HYDIN: variants seen among roughly 807,000 people sequenced by gnomAD.
HYDIN encodes HYDIN axonemal central pair apparatus protein, also known as axonemal central pair apparatus protein HYDIN.
A neutral mutation model predicts 403.9 loss-of-function variants in HYDIN; 132 were observed. That is an observed-to-expected ratio of 0.33 (90% CI 0.28 to 0.38). The LOEUF (loss-of-function observed/expected upper bound fraction) is 0.38. Among genes scored for constraint, HYDIN ranks in the 10% least tolerant of loss-of-function variants. The pLI is 1.00. For synonymous variants in HYDIN, 1,202 were observed against 1,891.7 expected (o/e 0.64, Z 9.46); for missense variants, 2,827 against 5,009.5 (o/e 0.56, Z 13.15).
At chr16:70,941,019 T>C (rs2143878965) in intron 43 of HYDIN, among the ~76,000 whole-genome samples, 1 of 151,442 alleles carries the variant, frequency 6.6e-6, no homozygotes, top group East Asian at 1.9e-4. Context: ...TGTGTGTGTG[T>C]ACCTATCTTT....
chr16:70,976,778 C>T (rs967798497), intron 30 of HYDIN, among the ~76,000 whole-genome samples: 1 of 152,090 alleles, frequency 6.6e-6, no homozygotes, highest in Admixed American at 6.5e-5. Context: ...GAAAAAAGGT[C>T]TAAAATGGAT....
In HYDIN at chr16:71,101,935, T is replaced by C. The variant is rs191573882; in HGVS notation, c.1328-8000A>G. Among the ~76,000 whole-genome samples, 56 of 152,184 alleles carry C rather than the reference T, an allele frequency of 3.7e-4. 1 individual carries two copies. Among genetic ancestry groups the C allele is most frequent in the African/African-American group, 1.3e-3 (53 of 41,522 alleles). On this transcript the variant is annotated intron_variant, in intron 10 of 85. Coordinates refer to ENST00000393567, the MANE Select transcript of HYDIN (RefSeq NM_001270974.2). The stretch of plus-strand genomic sequence containing the variant: ...TCTCAATAGCATAACAGCATTAAGT[T>C]AGAAACAACACAAATGTCCAACTGG...
At chr16:71,185,961 T>A (rs2087127568) in intron 2 of HYDIN, among the ~76,000 whole-genome samples, 1 of 152,194 alleles carries the variant, frequency 6.6e-6, no homozygotes, top group South Asian at 2.1e-4. Context: ...CTAATACAGC[T>A]TTCAACTTGG....
At chr16:71,056,422 A>G (rs2081896194) in intron 18 of HYDIN, among the ~76,000 whole-genome samples, 1 of 151,856 alleles carries the variant, frequency 6.6e-6, no homozygotes, top group African/African-American at 2.4e-5. Context: ...ATTTTTTTGT[A>G]TAGTATTTGT....
intron 3 of HYDIN, among the ~76,000 whole-genome samples, chr16:71,181,399 CA>C (rs1250411569): frequency 6.6e-6 from 1 of 151,956 alleles, no homozygotes; most frequent in Non-Finnish European, 1.5e-5. Context: ...GAGATATTAG[CA>C]CAAGATTTAT....
At chr16:71,081,245 C>G in intron 12 of HYDIN, among the ~76,000 whole-genome samples, 1 of 152,100 alleles carries the variant, frequency 6.6e-6, no homozygotes, top group Non-Finnish European at 1.5e-5. Context: ...CTTCCGGTTG[C>G]TTCAGCTCTG....
chr16:71,021,618 T>C (rs1302962859), intron 21 of HYDIN, among the ~76,000 whole-genome samples: 1 of 152,092 alleles, frequency 6.6e-6, no homozygotes, highest in Non-Finnish European at 1.5e-5. Context: ...GCCCACATTA[T>C]TTCTTGTATT....
At chr16:70,813,667 T>C (rs2035650191) in intron 84 of HYDIN, among the ~76,000 whole-genome samples, 1 of 152,212 alleles carries the variant, frequency 6.6e-6, no homozygotes, top group Non-Finnish European at 1.5e-5. Flanking sequence ...ATAGATTCAA[T>C]GTAATCCAAA....
At chr16:70,957,571 C>T (rs1001098748) in intron 39 of HYDIN, among the ~76,000 whole-genome samples, 7 of 151,920 alleles carry the variant, frequency 4.6e-5, no homozygotes, top group Admixed American at 2.0e-4. Context: ...ATGATCTACC[C>T]ACCTCAGCCT....
At chr16:70,954,713 G>A (rs1400131416) in intron 40 of HYDIN, among the ~76,000 whole-genome samples, 3 of 152,064 alleles carry the variant, frequency 2.0e-5, no homozygotes, top group Non-Finnish European at 1.5e-5. Context: ...CTTCACTATC[G>A]CTTCCTTTAC....
intron 73 of HYDIN, among the ~76,000 whole-genome samples, chr16:70,853,853 G>A (rs1358496950): frequency 6.8e-6 from 1 of 147,782 alleles, no homozygotes; most frequent in Non-Finnish European, 1.5e-5. Flanking sequence ...TTGGTAAACA[G>A]TACAGAGTTA....
intron 28 of HYDIN, among the ~76,000 whole-genome samples, chr16:70,982,237 T>C (rs991131594): frequency 4.6e-5 from 7 of 151,608 alleles, no homozygotes; most frequent in African/African-American, 1.5e-4. Flanking sequence ...TATTAAAACA[T>C]TTTTGTGAAA....
chr16:70,924,752 G>A (rs1284932138), intron 45 of HYDIN, among the ~76,000 whole-genome samples: 1 of 67,098 alleles, frequency 1.5e-5, no homozygotes, highest in South Asian at 6.3e-4. Flanking sequence ...TGAATGATGA[G>A]GACACATGGA....
intron 57 of HYDIN, among the ~76,000 whole-genome samples, chr16:70,890,348 G>C (rs1270876439): frequency 6.6e-6 from 1 of 152,124 alleles, no homozygotes; most frequent in African/African-American, 2.4e-5. Flanking sequence ...GTATGAACTT[G>C]TGCATGCTAA....
chr16:71,174,396 A>G (rs2086583672), intron 5 of HYDIN, among the ~76,000 whole-genome samples: 1 of 152,178 alleles, frequency 6.6e-6, no homozygotes, highest in Non-Finnish European at 1.5e-5. Flanking sequence ...ACTCCAAGCT[A>G]GTTCTGTCTG....
At chr16:70,844,838 C>G (rs1328729180) in intron 75 of HYDIN, among the ~76,000 whole-genome samples, 3 of 151,382 alleles carry the variant, frequency 2.0e-5, no homozygotes, top group Admixed American at 6.6e-5. Context: ...TGATTTGGCT[C>G]TCTGTCTGTT....
At chr16:70,857,014 T>G (rs1465138801) in intron 72 of HYDIN, among the ~76,000 whole-genome samples, 1 of 149,316 alleles carries the variant, frequency 6.7e-6, no homozygotes, top group African/African-American at 2.5e-5. Flanking sequence ...GTCACAACCA[T>G]GGGAAAGATA....
At chr16:70,937,983 C>G (rs1295220863) in intron 44 of HYDIN, among the ~76,000 whole-genome samples, 1 of 152,122 alleles carries the variant, frequency 6.6e-6, no homozygotes, top group African/African-American at 2.4e-5. Flanking sequence ...ATGGGGGGAT[C>G]GAGTAGTTTC....
At chr16:71,135,929 G>A (rs2084902680) in intron 8 of HYDIN, among the ~76,000 whole-genome samples, 1 of 150,878 alleles carries the variant, frequency 6.6e-6, no homozygotes, top group Admixed American at 6.6e-5. Context: ...ACACTGGGGG[G>A]GTTCTTCCTG....
Sources: allele counts gnomAD v4.1 joint callset (sites outside exome capture counted in the v4.1 genomes callset), GRCh38; gene constraint gnomAD v4.1.1; transcripts MANE v1.5; gene names NCBI Gene and HGNC (gene_info 2026-07-23, HGNC 2026-07-21).